ASCC3: variants seen among roughly 807,000 people sequenced by gnomAD.
ASCC3 encodes the protein ASC-1 complex subunit P200.
In ASCC3, 158 loss-of-function variants were observed where a neutral mutation model predicts 256.3. That is an observed-to-expected ratio of 0.62 (90% CI 0.54 to 0.70). The LOEUF is 0.70. ASCC3 is among the 30% of genes least tolerant of loss of function. The pLI is 0.00. For synonymous variants in ASCC3, 948 were observed against 883.4 expected (o/e 1.07, Z -1.30); for missense variants, 2,259 against 2,626.0 (o/e 0.86, Z 3.05).
At chr6:100,568,503 G>A (rs1424526543) in intron 36 of ASCC3, among the ~76,000 whole-genome samples, 1 of 151,896 alleles carries the variant, frequency 6.6e-6, no homozygotes, top group African/African-American at 2.4e-5. Context: ...CTTTTGAGAA[G>A]TGTCTGTTCA....
intron 10 of ASCC3, among the ~76,000 whole-genome samples, chr6:100,733,340 G>A (rs1231501296): frequency 2.6e-5 from 4 of 152,120 alleles, no homozygotes; most frequent in Admixed American, 1.3e-4. Context: ...GTGGGGCCTC[G>A]TGGGTGGTGT....
chr6:100,578,085 G>A (rs1453705201), intron 36 of ASCC3, among the ~76,000 whole-genome samples: 1 of 151,834 alleles, frequency 6.6e-6, no homozygotes, highest in East Asian at 1.9e-4. Context: ...TCCATTCTTT[G>A]GTCAAAGGGT....
intron 36 of ASCC3, among the ~76,000 whole-genome samples, chr6:100,582,650 T>G (rs1383780077): frequency 6.6e-6 from 1 of 152,032 alleles, no homozygotes; most frequent in Non-Finnish European, 1.5e-5. Context: ...AGAGAGGGCA[T>G]CCCTGTCTTG....
chr6:100,644,048 G>C lies in ASCC3; in HGVS notation c.3715C>G (p.Leu1239Val). The C allele has an allele frequency of 1.2e-6, 2 of 1,611,204 alleles. No individual in the cohort carries two copies. Among genetic ancestry groups the C allele is most frequent in the Non-Finnish European group, 1.7e-6 (2 of 1,178,126 alleles). ...NDHIYHSEYF[L>V]ALKKQVISKE... ...ACACTTACTTGTTTTTTTAGAGCTA[G>C]AAAATACTCTGAATGATAAATATGA... Residue 1239 changes from leucine to valine, a missense_variant, in exon 23 of 42, where the codon CTA becomes GTA. Coordinates refer to ENST00000369162, the MANE Select transcript of ASCC3 (RefSeq NM_006828.4).
chr6:100,760,734 A>G (rs1365880959), intron 10 of ASCC3, among the ~76,000 whole-genome samples: 2 of 152,222 alleles, frequency 1.3e-5, no homozygotes, highest in Non-Finnish European at 2.9e-5. Flanking sequence ...ACAGCAAAAT[A>G]AAGAATCAGT....
chr6:100,679,605 C>A lies in ASCC3; in HGVS notation c.2286+13G>T. ...TGTTACATGCTTTAGTTCTTGTCCT[C>A]TTTGTTTCTTACCTGTTTTTCTGCA... On this transcript the variant is annotated intron_variant, in intron 14 of 41. Coordinates refer to ENST00000369162, the MANE Select transcript of ASCC3 (RefSeq NM_006828.4). 6.2e-7 allele frequency: 1 copy of A among 1,613,302 alleles called. No homozygotes were observed. The highest frequency in any genetic ancestry group is 1.7e-5 in the Admixed American group (1 of 60,016).
intron 37 of ASCC3, among the ~76,000 whole-genome samples, chr6:100,523,433 C>T (rs1367948769): frequency 6.6e-6 from 1 of 152,080 alleles, no homozygotes; most frequent in Non-Finnish European, 1.5e-5. Flanking sequence ...ATAAGCTATA[C>T]AGAGAAAAGA....
chr6:100,559,810 T>C (rs240773), intron 36 of ASCC3, among the ~76,000 whole-genome samples: 102,182 of 150,010 alleles, frequency 0.68, 36,173 homozygotes, highest in African/African-American at 0.88. Flanking sequence ...GGTGCCACTG[T>C]ACTCCAACCA....
chr6:100,608,308 GTATACCTTATATA>G (rs1216655724), intron 30 of ASCC3, among the ~76,000 whole-genome samples: 1 of 85,368 alleles, frequency 1.2e-5, no homozygotes, highest in Non-Finnish European at 2.0e-5. Context: ...CCTTATATAT[GTATACCTTATATA>G]TATACCTTAT....
Position 100,651,703 on chromosome 6 carries a change from T to TA in ASCC3, c.2989-58dup, listed in dbSNP as rs935776692. On this transcript the variant is annotated intron_variant, in intron 18 of 41. Coordinates refer to ENST00000369162, the MANE Select transcript of ASCC3 (RefSeq NM_006828.4). Reference sequence around the variant, plus strand: ...TAAAAATATTTTAAATATTTTAAATTAAAAATGTGACTATAAATTACACAT... The same window carrying TA: ...TAAAAATATTTTAAATATTTTAAATTAAAAAATGTGACTATAAATTACACAT... 4 of 940,228 alleles carry TA rather than the reference T, an allele frequency of 4.3e-6. No homozygotes were observed. In the African/African-American group the frequency reaches 6.9e-5, roughly 16 times the overall value. The allele number at this position is 940,228 out of a possible 1,614,324, so 58.2% of individuals were successfully genotyped here. A position where few individuals can be genotyped will look rare whatever the true frequency, so the allele number is the denominator to read the frequency against.
chr6:100,597,395 T>A (rs1271916885), intron 34 of ASCC3, among the ~76,000 whole-genome samples: 2 of 152,190 alleles, frequency 1.3e-5, no homozygotes, highest in African/African-American at 4.8e-5. Context: ...AATTAATTTT[T>A]AAATGCTTAT....
intron 11 of ASCC3, among the ~76,000 whole-genome samples, chr6:100,718,811 A>G (rs1451994156): frequency 7.2e-5 from 11 of 152,160 alleles, no homozygotes; most frequent in Non-Finnish European, 2.9e-5. Flanking sequence ...ATGTATTTTT[A>G]GGTCACAAAA....
At chr6:100,521,109 A>G (rs1774281997) in intron 37 of ASCC3, among the ~76,000 whole-genome samples, 1 of 152,198 alleles carries the variant, frequency 6.6e-6, no homozygotes, top group Admixed American at 6.5e-5. Flanking sequence ...AAGTTATTGC[A>G]CATCTACCAA....
intron 4 of ASCC3, among the ~76,000 whole-genome samples, chr6:100,832,272 TG>T (rs1361810515): frequency 6.6e-6 from 1 of 152,122 alleles, no homozygotes; most frequent in East Asian, 1.9e-4. Context: ...CAAATGATGC[TG>T]GAAGGAAGTG....
chr6:100,633,421 C>T (rs1774658104), intron 25 of ASCC3, among the ~76,000 whole-genome samples: 1 of 151,604 alleles, frequency 6.6e-6, no homozygotes, highest in Admixed American at 6.6e-5. Context: ...ACTGGCAACT[C>T]GGATTTGCCA....
At position 100,728,977 on chromosome 6, in the gene ASCC3, A is replaced by G. The variant is rs1464149188; in HGVS notation, c.1738-3274T>C. On this transcript the variant is annotated intron_variant, in intron 10 of 41. Coordinates refer to ENST00000369162, the MANE Select transcript of ASCC3 (RefSeq NM_006828.4). The stretch of plus-strand genomic sequence containing the variant: ...AAGTCAACAAGAAGGCAGTGAAGAG[A>G]AAGCACTAGACACAGTATATACATA... 2.6e-5 allele frequency among the ~76,000 whole-genome samples: 4 copies of G among 152,328 alleles called. No individual in the cohort carries two copies. In the East Asian group the frequency reaches 7.7e-4, roughly 29 times the overall value.
intron 13 of ASCC3, among the ~76,000 whole-genome samples, chr6:100,692,207 T>C (rs928373262): frequency 6.6e-6 from 1 of 152,090 alleles, no homozygotes; most frequent in African/African-American, 2.4e-5. Flanking sequence ...ATCTCTGGTA[T>C]GACTTTCTCT....
Position 100,766,560 on chromosome 6 carries a change from C to T in ASCC3, c.1737+5G>A, listed in dbSNP as rs1268539165. 2 of 1,613,792 alleles carry T rather than the reference C, an allele frequency of 1.2e-6. No homozygotes were observed. The highest frequency in any genetic ancestry group is 2.7e-5 in the African/African-American group (2 of 74,932). On this transcript the variant is annotated splice_donor_5th_base_variant and intron_variant, in intron 10 of 41. Transcript: ENST00000369162. Reference sequence around the variant, plus strand: ...TTAAACAAAAAATCTAGGTAAACAACATACCTGAGTTCGTAAAATTTCACT... The same window carrying T: ...TTAAACAAAAAATCTAGGTAAACAATATACCTGAGTTCGTAAAATTTCACT...
At chr6:100,715,384 T>TA (rs1172257604) in intron 13 of ASCC3, 78 bp downstream of exon 13, 6 of 1,314,894 alleles carry the variant, frequency 4.6e-6, no homozygotes, top group Non-Finnish European at 6.5e-6. Flanking sequence ...CTGAAGAGCG[T>TA]AAATATTAAT....
Sources: gnomAD v4.1 joint callset for allele counts (sites outside exome capture counted in the v4.1 genomes callset) on GRCh38, gnomAD v4.1.1 for gene constraint, MANE v1.5 for transcripts, NCBI Gene and HGNC (gene_info 2026-07-23, HGNC 2026-07-21) for gene names.